PREX2: variants seen among roughly 807,000 people sequenced by gnomAD.
PREX2 encodes the protein phosphatidylinositol 3,4,5-trisphosphate-dependent Rac exchanger 2 protein.
Under a neutral mutation model 203.2 loss-of-function variants are expected in PREX2, and 107 were observed. The ratio of observed to expected loss-of-function variants is 0.53; its 90% confidence interval spans 0.45 to 0.62. PREX2 has a LOEUF of 0.62. PREX2 is among the 20% of genes least tolerant of loss of function. The pLI, the probability that PREX2 is intolerant of heterozygous loss-of-function variation, is 0.00. For synonymous variants in PREX2, 672 were observed against 663.6 expected (o/e 1.01, Z -0.19); for missense variants, 1,777 against 1,955.9 (o/e 0.91, Z 1.72).
intron 35 of PREX2, among the ~76,000 whole-genome samples, chr8:68,160,080 A>C (rs757391053): frequency 7.9e-5 from 12 of 152,214 alleles, no homozygotes; most frequent in Middle Eastern, 3.2e-3. Context: ...CATGGAATTA[A>C]TTCTTGTTCC....
intron 6 of PREX2, among the ~76,000 whole-genome samples, chr8:68,036,597 AT>A (rs143528282): frequency 1.0e-3 from 155 of 150,748 alleles, no homozygotes; most frequent in South Asian, 1.9e-3. Context: ...AAATTCTGTA[AT>A]TTTTTTTTTC....
At chr8:68,014,017 A>G (rs1807342024) in intron 1 of PREX2, among the ~76,000 whole-genome samples, 1 of 152,194 alleles carries the variant, frequency 6.6e-6, no homozygotes, top group Admixed American at 6.5e-5. Flanking sequence ...GGGAAGGGCA[A>G]AAATATGTTG....
At chr8:68,220,142 T>C (rs1047542686) in intron 38 of PREX2, 14 of 152,094 alleles carry the variant, frequency 9.2e-5, no homozygotes, top group Non-Finnish European at 1.8e-4. Flanking sequence ...TTTATTGTTC[T>C]TATTTATAAT....
rs1288089297 is a variant in PREX2, at chr8:68,093,594, C to T, written c.2251-11C>T. 1.4e-6 allele frequency: 2 copies of T among 1,416,768 alleles called. No homozygotes were observed. The highest frequency in any genetic ancestry group is 9.9e-7 in the Non-Finnish European group (1 of 1,013,882). The allele number at this position is 1,416,768 out of a possible 1,614,324, so 87.8% of individuals were successfully genotyped here. The stretch of plus-strand genomic sequence containing the variant: ...AATACCTCTGAGGTTTCTTTCCCCC[C>T]TCATTTCCAGCAAGATTCCATACAA... On this transcript the variant is annotated splice_polypyrimidine_tract_variant and intron_variant, in intron 20 of 39. Coordinates refer to ENST00000288368, the MANE Select transcript of PREX2 (RefSeq NM_024870.4).
chr8:68,051,538 A>AT (rs1192292798), intron 8 of PREX2, among the ~76,000 whole-genome samples: 4 of 151,978 alleles, frequency 2.6e-5, no homozygotes, highest in African/African-American at 7.2e-5. Context: ...GAATTTCTGA[A>AT]TTTTTTCCCC....
chr8:68,000,200 ATCG>A (rs1352775094), intron 1 of PREX2, among the ~76,000 whole-genome samples: 2 of 152,208 alleles, frequency 1.3e-5, no homozygotes, highest in African/African-American at 4.8e-5. Flanking sequence ...ATAAAAGCGT[ATCG>A]TCTTAGCCCT....
intron 18 of PREX2, among the ~76,000 whole-genome samples, chr8:68,085,623 C>T (rs908424621): frequency 6.6e-6 from 1 of 152,112 alleles, no homozygotes; most frequent in African/African-American, 2.4e-5. Context: ...GGAAATAGAA[C>T]ATCCGTCTTG....
chr8:68,132,417 T>G (rs1811026661), intron 31 of PREX2, among the ~76,000 whole-genome samples: 1 of 152,012 alleles, frequency 6.6e-6, no homozygotes, highest in South Asian at 2.1e-4. Context: ...TTCCACCATT[T>G]TAACCTACCA....
At chr8:68,104,365 TC>T (rs947577891) in intron 23 of PREX2, among the ~76,000 whole-genome samples, 2 of 152,264 alleles carry the variant, frequency 1.3e-5, no homozygotes, top group African/African-American at 4.8e-5. Flanking sequence ...CAATCCTGCC[TC>T]CTCTGCCTCC....
At chr8:68,150,299 A>T (rs7828816) in intron 34 of PREX2, among the ~76,000 whole-genome samples, 41,857 of 151,942 alleles carry the variant, frequency 0.28, 5,789 homozygotes, top group Non-Finnish European at 0.29. Flanking sequence ...AATTAAAAGG[A>T]TTCGCTATAG....
chr8:68,014,832 A>T (rs1807368216), intron 1 of PREX2, among the ~76,000 whole-genome samples: 1 of 152,226 alleles, frequency 6.6e-6, no homozygotes, highest in Non-Finnish European at 1.5e-5. Flanking sequence ...TCAGAATCGC[A>T]TAGAGGTCCT....
intron 37 of PREX2, among the ~76,000 whole-genome samples, chr8:68,209,152 A>T (rs1812700009): frequency 1.3e-5 from 2 of 151,724 alleles, no homozygotes; most frequent in South Asian, 4.2e-4. Context: ...AAATAGGAGG[A>T]GTAGCTGCTC....
At chr8:68,094,267 G>T (rs968168697) in intron 21 of PREX2, among the ~76,000 whole-genome samples, 5 of 152,282 alleles carry the variant, frequency 3.3e-5, no homozygotes, top group Admixed American at 6.5e-5. Context: ...ATTAAAATTC[G>T]AGAAGCCCTG....
In PREX2 at chr8:68,231,349, G is replaced by A. The variant is rs142298071; in HGVS notation, c.4792G>A (p.Glu1598Lys). The A allele has an allele frequency of 8.7e-6, 14 of 1,601,338 alleles. No homozygotes were observed. The highest frequency in any genetic ancestry group is 2.3e-5 in the East Asian group (1 of 43,986). The change falls in exon 40 of 40, where the codon GAG becomes AAG. Residue 1598 changes from glutamate (E) to lysine (K), a missense_variant. Transcript: ENST00000288368. ...CTTTTCTAGGCTGTACAAGCTGTGC[G>A]AGCCACCTCCCCCAGCTGGAGAAGA... ...QSAPRLYKLC[E>K]PPPPAGEE
intron 23 of PREX2, chr8:68,103,560 C>T (rs1371381597): frequency 1.2e-5 from 6 of 518,756 alleles, no homozygotes; most frequent in East Asian, 5.4e-5. Flanking sequence ...TTTCTTTGAT[C>T]TTTCTCCTGG....
intron 1 of PREX2, among the ~76,000 whole-genome samples, chr8:67,972,705 T>C (rs1490405859): frequency 1.3e-5 from 2 of 152,266 alleles, no homozygotes; most frequent in Non-Finnish European, 2.9e-5. Context: ...ACTTTTTTTC[T>C]AACTTTCATT....
At chr8:68,006,145 T>C (rs1038064995) in intron 1 of PREX2, among the ~76,000 whole-genome samples, 11 of 152,180 alleles carry the variant, frequency 7.2e-5, no homozygotes, top group African/African-American at 2.7e-4. Context: ...TAAGCTCCTG[T>C]ATGTTCAGCC....
intron 27 of PREX2, chr8:68,118,937 T>G (rs1467938990): frequency 3.6e-6 from 2 of 558,570 alleles, no homozygotes; most frequent in South Asian, 2.9e-5. Context: ...ACAGGAAATA[T>G]ACTGGAAGTA....
chr8:68,098,936 GTGTATATATATATATATATATATATA>G (rs1434061273), intron 22 of PREX2, among the ~76,000 whole-genome samples: 11 of 74,868 alleles, frequency 1.5e-4, no homozygotes, highest in African/African-American at 2.5e-4. Flanking sequence ...ACATATATAT[GTGTATATATATATATATATATATATA>G]TATATATATA....
Sources: gnomAD v4.1 joint callset for allele counts (sites outside exome capture counted in the v4.1 genomes callset) on GRCh38, gnomAD v4.1.1 for gene constraint, MANE v1.5 for transcripts, NCBI Gene and HGNC (gene_info 2026-07-23, HGNC 2026-07-21) for gene names.